The following ZC3H14 variants were observed in gnomAD, a reference collection of about 807,000 sequenced individuals.
ZC3H14 encodes zinc finger CCCH-type containing 14.
A neutral mutation model predicts 92.4 loss-of-function variants in ZC3H14; 31 were observed. That is an observed-to-expected ratio of 0.34 (90% CI 0.25 to 0.45). The LOEUF is 0.45. Ranked by LOEUF, ZC3H14 falls within the 20% of genes least tolerant of loss-of-function variation. The pLI, the probability that ZC3H14 is intolerant of heterozygous loss-of-function variation, is 1.00. For synonymous variants in ZC3H14, 321 were observed against 300.9 expected (o/e 1.07, Z -0.69); for missense variants, 781 against 897.3 (o/e 0.87, Z 1.66).
rs192725167 is a variant in ZC3H14 at position 88,596,761 on chromosome 14, G to A, written c.1307G>A (p.Arg436Gln). ...QGTQQRQLLSRLQIDPVMAET... is the reference protein window; with the variant it reads ...QGTQQRQLLSQLQIDPVMAET... The stretch of plus-strand genomic sequence containing the variant: ...ACTCAACAGAGGCAATTATTATCCC[G>A]ACTGCAAATCGACCCAGTAATGGCA... Residue 436 changes from arginine (R) to glutamine (Q), a missense_variant, in exon 10 of 17, where the codon CGA becomes CAA. Around this residue, in one of 3 missense-constraint regions of ZC3H14, gnomAD observed 454 missense variants for 438.5 expected, o/e 1.04. Transcript: ENST00000251038. 6.2e-6 allele frequency: 10 copies of A among 1,613,966 alleles called. No individual in the cohort carries two copies. The East Asian group carries it at 6.7e-5, about 11-fold the overall frequency.
At chr14:88,589,187 CA>C (rs1219987046) in intron 9 of ZC3H14, 2 of 152,082 alleles carry the variant, frequency 1.3e-5, no homozygotes, top group African/African-American at 2.4e-5. Flanking sequence ...AGCTTTTCTG[CA>C]GGCAGGTTTA....
intron 2 of ZC3H14, among the ~76,000 whole-genome samples, chr14:88,563,977 T>C (rs887008871): frequency 6.6e-6 from 1 of 152,180 alleles, no homozygotes; most frequent in Non-Finnish European, 1.5e-5. Context: ...CTCTCTCTCA[T>C]TTTAAATTCT....
At chr14:88,610,987 T>C (rs769126053) in intron 16 of ZC3H14, 47 bp downstream of exon 16, 15 of 1,568,062 alleles carry the variant, frequency 9.6e-6, no homozygotes, top group African/African-American at 1.4e-5. Flanking sequence ...AATTCTTTTT[T>C]CTAATTTGCA....
At position 88,620,984 on chromosome 14, in the gene ZC3H14, A is replaced by G. The variant is rs117347160; in HGVS notation, c.*9233A>G. 7.8e-3 allele frequency: 11,519 copies of G among 1,472,476 alleles called. 55 individuals carry two copies. The highest frequency in any genetic ancestry group is 0.01 in the Admixed American group (362 of 36,072). 91.2% of individuals were successfully genotyped at this position (1,472,476 alleles called of 1,614,324 possible). On this transcript the variant is annotated 3_prime_UTR_variant, in exon 17 of 17. Coordinates refer to ENST00000251038, the MANE Select transcript of ZC3H14 (RefSeq NM_024824.5). This position sits in a 1 kb window ranked among gnomAD's most constrained non-coding sequence, Gnocchi z 4.3. Reference sequence around the variant, plus strand: ...AGGAAACATTAAGTGAAGTACTTCTAAATTATACCAGTTTCCCCTCAAAAT... The same window carrying G: ...AGGAAACATTAAGTGAAGTACTTCTGAATTATACCAGTTTCCCCTCAAAAT...
chr14:88,588,044 CCT>C (rs1491472144), intron 9 of ZC3H14, among the ~76,000 whole-genome samples: 4 of 152,102 alleles, frequency 2.6e-5, no homozygotes, highest in Non-Finnish European at 5.9e-5. Flanking sequence ...AATTTTTCCC[CCT>C]TTTTTGTTTC....
intron 9 of ZC3H14, among the ~76,000 whole-genome samples, chr14:88,595,397 T>G (rs1405522610): frequency 2.6e-5 from 4 of 152,206 alleles, no homozygotes; most frequent in Non-Finnish European, 5.9e-5. Context: ...GTCTTTCATG[T>G]GTCTTGTGAA....
In ZC3H14 at chr14:88,563,045, T is replaced by C. The variant is rs2079072522; in HGVS notation, c.-89T>C. On this transcript the variant is annotated 5_prime_UTR_variant, in exon 1 of 17. Coordinates refer to ENST00000251038, the MANE Select transcript of ZC3H14 (RefSeq NM_024824.5). ...GGGGGCGGAACGGAGGAGGAGGCGG[T>C]GGTGTCCCGGCTGCGGGGTAGGAGT... The C allele has an allele frequency of 2.0e-6, 3 of 1,516,528 alleles. No homozygotes were observed. The highest frequency in any genetic ancestry group is 1.2e-5 in the South Asian group (1 of 83,108). 93.9% of individuals were successfully genotyped at this position (1,516,528 alleles called of 1,614,324 possible).
chr14:88,571,204 G>A (rs1397216867), intron 4 of ZC3H14, 80 bp downstream of exon 4: 68 of 1,281,676 alleles, frequency 5.3e-5, no homozygotes, highest in Non-Finnish European at 7.2e-5. Context: ...TAGTGCTTTG[G>A]GAAAAACCCA....
chr14:88,563,826 T>C lies in ZC3H14; in HGVS notation c.79+133T>C, dbSNP rs768062247. ...CTTCTACCTTCTTCAAATCTTATAC[T>C]CCCTGGTTACTTCTTTATCATCTTT... On this transcript the variant is annotated intron_variant, in intron 2 of 16. Coordinates refer to ENST00000251038, the MANE Select transcript of ZC3H14 (RefSeq NM_024824.5). 6 of 859,422 alleles carry C rather than the reference T, an allele frequency of 7.0e-6. No individual in the cohort carries two copies. In the East Asian group the frequency reaches 1.5e-4, roughly 22 times the overall value. 53.2% of individuals were successfully genotyped at this position (859,422 alleles called of 1,614,324 possible). A position where few individuals can be genotyped will look rare whatever the true frequency, so the allele number is the denominator to read the frequency against.
intron 8 of ZC3H14, among the ~76,000 whole-genome samples, chr14:88,576,381 C>T (rs1249362817): frequency 6.6e-6 from 1 of 152,118 alleles, no homozygotes; most frequent in East Asian, 1.9e-4. Context: ...TCCCTTTTGG[C>T]GGAACTCATT....
intron 2 of ZC3H14, among the ~76,000 whole-genome samples, chr14:88,565,140 GTTATTA>G (rs559549991): frequency 1.3e-5 from 2 of 152,082 alleles, no homozygotes; most frequent in Non-Finnish European, 2.9e-5. Context: ...AAAAAAATTT[GTTATTA>G]TTATTATTTT....
intron 7 of ZC3H14, among the ~76,000 whole-genome samples, chr14:88,575,098 A>G (rs899515760): frequency 6.6e-6 from 1 of 152,080 alleles, no homozygotes; most frequent in Non-Finnish European, 1.5e-5. Context: ...TACCATGACC[A>G]GCTAATTTTT....
chr14:88,587,217 C>T (rs908264578), intron 9 of ZC3H14, among the ~76,000 whole-genome samples: 11 of 151,218 alleles, frequency 7.3e-5, no homozygotes, highest in Non-Finnish European at 1.2e-4. Flanking sequence ...GGCTGGAGTG[C>T]AGTGGCGTAA....
At position 88,617,129 on chromosome 14, in the gene ZC3H14, A is replaced by G. The variant is rs1035164415; in HGVS notation, c.*5378A>G. ...TTAAGATTAAAGTAGTACTTTATGA[A>G]AACTGATAGAACTATTTTTTCTTTT... On this transcript the variant is annotated 3_prime_UTR_variant, in exon 17 of 17. Coordinates refer to ENST00000251038, the MANE Select transcript of ZC3H14 (RefSeq NM_024824.5). 1.3e-5 allele frequency: 4 copies of G among 313,654 alleles called. No individual in the cohort carries two copies. Among genetic ancestry groups the G allele is most frequent in the African/African-American group, 8.6e-5 (4 of 46,778 alleles). The allele number at this position is 313,654 out of a possible 1,614,324, so 19.4% of individuals were successfully genotyped here. A position where few individuals can be genotyped will look rare whatever the true frequency, so the allele number is the denominator to read the frequency against.
At chr14:88,563,752 T>G in intron 2 of ZC3H14, 59 bp downstream of exon 2, 1 of 1,492,072 alleles carries the variant, frequency 6.7e-7, no homozygotes, top group Non-Finnish European at 9.4e-7. Flanking sequence ...TAATAGAATT[T>G]TAGTGAATGC....
intron 7 of ZC3H14, 68 bp downstream of exon 7, chr14:88,574,921 G>A: frequency 1.9e-6 from 3 of 1,605,056 alleles, no homozygotes; most frequent in Non-Finnish European, 2.6e-6. Context: ...TTATTGAAGA[G>A]AATAATCACG....
At chr14:88,575,784 C>T in intron 7 of ZC3H14, 56 bp from the exon 8 acceptor site, 2 of 1,425,004 alleles carry the variant, frequency 1.4e-6, no homozygotes, top group Non-Finnish European at 2.0e-6. Context: ...AGATGGCTGG[C>T]CTGTGAGGAA....
chr14:88,616,772 T>G lies in ZC3H14; in HGVS notation c.*5021T>G. ...GTCAAATAACTTAACCATGCCAAAG[T>G]CATCTCCTGTAACAAGACTGATTCC... is the stretch of plus-strand genomic sequence containing the variant. On this transcript the variant is annotated 3_prime_UTR_variant, in exon 17 of 17. Transcript: ENST00000251038. 1 of 1,613,894 alleles carries G rather than the reference T, an allele frequency of 6.2e-7. No individual in the cohort carries two copies.
rs371226973 is a variant in ZC3H14 at position 88,610,599 on chromosome 14, G to A, written c.2098-235G>A. 2.3e-3 allele frequency among the ~76,000 whole-genome samples: 348 copies of A among 150,904 alleles called. 18 individuals carry two copies. The South Asian group carries it at 0.067, about 29-fold the overall frequency. Reference sequence around the variant, plus strand: ...AGAAGTGGAAGGATCGTTTGAGCCCGGGAGTTTGAAACCAGCCTAGGCAAC... The same window carrying A: ...AGAAGTGGAAGGATCGTTTGAGCCCAGGAGTTTGAAACCAGCCTAGGCAAC... On this transcript the variant is annotated intron_variant, in intron 15 of 16. Transcript: ENST00000251038.
Sources: allele counts gnomAD v4.1 joint callset (sites outside exome capture counted in the v4.1 genomes callset), GRCh38; gene constraint gnomAD v4.1.1; regional missense constraint gnomAD v4.1.1; non-coding constraint Gnocchi (gnomAD v3.1); transcripts MANE v1.5; gene names NCBI Gene and HGNC (gene_info 2026-07-23, HGNC 2026-07-21).